The following ADAM10 variants were observed in gnomAD, a reference collection of about 807,000 sequenced individuals.
ADAM10 encodes disintegrin and metalloproteinase domain-containing protein 10.
ADAM10 carries 17 observed loss-of-function variants against 90.1 expected under a neutral mutation model. The ratio of observed to expected loss-of-function variants is 0.19; its 90% confidence interval spans 0.13 to 0.28. ADAM10 has a LOEUF of 0.28. Among genes scored for constraint, ADAM10 ranks in the 10% least tolerant of loss-of-function variants. ADAM10 has a pLI of 1.00. For synonymous variants in ADAM10, 310 were observed against 298.6 expected (o/e 1.04, Z -0.40); for missense variants, 610 against 914.3 (o/e 0.67, Z 4.29).
intron 1 of ADAM10, among the ~76,000 whole-genome samples, chr15:58,741,329 GA>G (rs71890478): frequency 0.17 from 25,948 of 151,490 alleles, 2,452 homozygotes; most frequent in East Asian, 0.44. Context: ...ACTTAAGTAA[GA>G]AAAAAAAGTG....
chr15:58,625,025 T>C (rs560602181), intron 10 of ADAM10, among the ~76,000 whole-genome samples: 27 of 152,226 alleles, frequency 1.8e-4, no homozygotes, highest in Admixed American at 1.4e-3. Context: ...TAAGAAGCAT[T>C]AGAAAAACAA....
intron 14 of ADAM10, among the ~76,000 whole-genome samples, chr15:58,604,084 G>C (rs72743064): frequency 1.3e-5 from 2 of 151,996 alleles, no homozygotes; most frequent in African/African-American, 2.4e-5. Context: ...TAGCTTGGCC[G>C]GGCACGGTGG....
intron 4 of ADAM10, 106 bp from the exon 5 acceptor site, chr15:58,665,303 T>G (rs1401465185): frequency 4.4e-6 from 4 of 906,060 alleles, no homozygotes; most frequent in Non-Finnish European, 7.3e-6. Flanking sequence ...ATGAAAACCA[T>G]AAATGCTTAT....
rs190490686 is a variant in ADAM10 at position 58,643,371 on chromosome 15, A to G, written c.828+515T>C. Among the ~76,000 whole-genome samples the G allele has an allele frequency of 2.0e-5, 3 of 152,302 alleles. No individual in the cohort carries two copies. In the East Asian group the frequency reaches 5.8e-4, roughly 29 times the overall value. ...AAAATATGGGTTTCTTTCCTGAAAG[A>G]CTTCTCAAAACTTGATATATGTTAC... On this transcript the variant is annotated intron_variant, in intron 7 of 15. Transcript: ENST00000260408.
intron 7 of ADAM10, among the ~76,000 whole-genome samples, chr15:58,641,986 C>G (rs1896428786): frequency 6.6e-6 from 1 of 152,190 alleles, no homozygotes. Flanking sequence ...TTCAGAACAT[C>G]TGGTTTATCT....
chr15:58,653,946 T>C (rs1896748899), intron 5 of ADAM10, among the ~76,000 whole-genome samples: 2 of 152,210 alleles, frequency 1.3e-5, no homozygotes, highest in African/African-American at 2.4e-5. Context: ...GTAGGTTGTA[T>C]GTGTCTAAGA....
In ADAM10 at chr15:58,665,343, G is replaced by C. The variant is rs1281698054; in HGVS notation, c.485-146C>G. 16 of 694,584 alleles carry C rather than the reference G, an allele frequency of 2.3e-5. No homozygotes were observed. In the East Asian group the frequency reaches 3.5e-4, roughly 15 times the overall value. The allele number at this position is 694,584 out of a possible 1,614,324, so 43.0% of individuals were successfully genotyped here. On this transcript the variant is annotated intron_variant, in intron 4 of 15. Coordinates refer to ENST00000260408, the MANE Select transcript of ADAM10 (RefSeq NM_001110.4). ...CACCTATGGAAAAGGCATTATGCTA[G>C]GCATTTTAATGCTAAAACCTAGCAG... is the stretch of plus-strand genomic sequence containing the variant.
At chr15:58,707,146 G>A (rs1272025110) in intron 2 of ADAM10, among the ~76,000 whole-genome samples, 1 of 151,892 alleles carries the variant, frequency 6.6e-6, no homozygotes, top group Non-Finnish European at 1.5e-5. Flanking sequence ...ACTCTGAGAG[G>A]CTAAGGCCAG....
chr15:58,738,816 T>A (rs1199168010), intron 1 of ADAM10, among the ~76,000 whole-genome samples: 2 of 152,238 alleles, frequency 1.3e-5, no homozygotes, highest in African/African-American at 2.4e-5. Flanking sequence ...TCTTTTTTTA[T>A]TCTTTTTTTC....
rs200206795 is a variant in ADAM10 at position 58,597,257 on chromosome 15, A to G, written c.*290T>C. 2.8e-4 allele frequency: 275 copies of G among 968,976 alleles called. No individual in the cohort carries two copies. Among genetic ancestry groups the G allele is most frequent in the Non-Finnish European group, 3.6e-4 (245 of 672,938 alleles). The allele number at this position is 968,976 out of a possible 1,614,324, so 60.0% of individuals were successfully genotyped here. ...AAGTGAAGAAAATGCAGCAACGAAG[A>G]ACAGGGAACACGGGGCACATAATAA... On this transcript the variant is annotated 3_prime_UTR_variant, in exon 16 of 16. Coordinates refer to ENST00000260408, the MANE Select transcript of ADAM10 (RefSeq NM_001110.4).
intron 2 of ADAM10, among the ~76,000 whole-genome samples, chr15:58,716,139 T>C (rs1432257758): frequency 6.6e-6 from 1 of 152,182 alleles, no homozygotes; most frequent in East Asian, 1.9e-4. Flanking sequence ...GGAAAATACA[T>C]TAATTTAAGT....
At chr15:58,748,346 T>G (rs1899858028) in intron 1 of ADAM10, 1 of 152,236 alleles carries the variant, frequency 6.6e-6, no homozygotes, top group Admixed American at 6.5e-5. Flanking sequence ...CTACAGACAC[T>G]CATCCAAAGC....
At chr15:58,647,167 A>G (rs1330224044) in intron 5 of ADAM10, among the ~76,000 whole-genome samples, 1 of 151,876 alleles carries the variant, frequency 6.6e-6, no homozygotes, top group Non-Finnish European at 1.5e-5. Flanking sequence ...AAGTTCTGGA[A>G]AGAAGAAATT....
At chr15:58,638,627 A>G (rs1393140578) in intron 8 of ADAM10, among the ~76,000 whole-genome samples, 1 of 151,186 alleles carries the variant, frequency 6.6e-6, no homozygotes, top group Non-Finnish European at 1.5e-5. Flanking sequence ...AAAAAAAAAA[A>G]AAAAAAAAGA....
intron 14 of ADAM10, 43 bp from the exon 15 acceptor site, chr15:58,599,767 A>G: frequency 3.2e-6 from 5 of 1,584,100 alleles, no homozygotes; most frequent in Non-Finnish European, 4.3e-6. Flanking sequence ...AAAAAACTAC[A>G]AAATATTTTA....
intron 2 of ADAM10, among the ~76,000 whole-genome samples, chr15:58,697,010 C>T (rs1255137826): frequency 6.6e-6 from 1 of 152,158 alleles, no homozygotes; most frequent in African/African-American, 2.4e-5. Context: ...TGATCCCATG[C>T]TGCCCCCAAG....
At chr15:58,714,158 T>C (rs543931448) in intron 2 of ADAM10, among the ~76,000 whole-genome samples, 11 of 152,278 alleles carry the variant, frequency 7.2e-5, no homozygotes, top group Admixed American at 2.0e-4. Flanking sequence ...GTTTCTTCAT[T>C]TAACAGTAAC....
intron 4 of ADAM10, among the ~76,000 whole-genome samples, chr15:58,666,590 T>C (rs928810413): frequency 6.6e-6 from 1 of 151,904 alleles, no homozygotes; most frequent in African/African-American, 2.4e-5. Flanking sequence ...GGGGAAAAAA[T>C]TACAACTGTT....
chr15:58,692,655 G>A (rs770284728), intron 2 of ADAM10: 2 of 559,966 alleles, frequency 3.6e-6, no homozygotes, highest in Non-Finnish European at 7.2e-6. Flanking sequence ...TAAGGTGAAG[G>A]ATCACTTTGG....
Sources: gnomAD v4.1 joint callset for allele counts (sites outside exome capture counted in the v4.1 genomes callset) on GRCh38, gnomAD v4.1.1 for gene constraint, MANE v1.5 for transcripts, NCBI Gene and HGNC (gene_info 2026-07-23, HGNC 2026-07-21) for gene names.